ZMYM4: variants seen among roughly 807,000 people sequenced by gnomAD.
The protein encoded by ZMYM4 is zinc finger MYM-type containing 4, also known as zinc finger MYM-type protein 4.
ZMYM4 carries 31 observed loss-of-function variants against 183.2 expected under a neutral mutation model. The observed-to-expected ratio is 0.17, with a 90% confidence interval of 0.13 to 0.23. The LOEUF is 0.23. ZMYM4 is among the 10% of genes least tolerant of loss of function. The pLI is 1.00. For synonymous variants in ZMYM4, 592 were observed against 631.2 expected, an observed-to-expected ratio of 0.94 and a Z score of 0.93; for missense variants, 1,273 against 1,840.3, an observed-to-expected ratio of 0.69 and a Z score of 5.64.
At chr1:35,405,327 C>T in intron 24 of ZMYM4, 46 bp from the exon 25 acceptor site, 1 of 1,580,318 alleles carries the variant, frequency 6.3e-7, no homozygotes, top group Non-Finnish European at 8.6e-7. Context: ...TTTTTCCGCA[C>T]TTTTATTTTA....
chr1:35,294,947 T>A lies in ZMYM4; in HGVS notation c.39+25862T>A, dbSNP rs527629270. Among the ~76,000 whole-genome samples, 7 of 152,360 alleles carry A rather than the reference T, an allele frequency of 4.6e-5. No homozygotes were observed. The South Asian group carries it at 1.0e-3, about 23-fold the overall frequency. On this transcript the variant is annotated intron_variant, in intron 1 of 29. Coordinates refer to ENST00000314607, the MANE Select transcript of ZMYM4 (RefSeq NM_005095.3). ...GATAACCACTTGAGTCATTTTAGATTCCACTGTGCTTCACATCCCTAATTT... is the reference window on the plus strand; with the variant it reads ...GATAACCACTTGAGTCATTTTAGATACCACTGTGCTTCACATCCCTAATTT...
intron 2 of ZMYM4, among the ~76,000 whole-genome samples, chr1:35,326,254 A>G (rs573824377): frequency 5.6e-4 from 86 of 152,346 alleles, no homozygotes; most frequent in African/African-American, 1.9e-3. Flanking sequence ...AAGATCTGAA[A>G]CACTTCTAAT....
chr1:35,418,357 C>A, intron 28 of ZMYM4, 86 bp from the exon 29 acceptor site: 1 of 1,444,090 alleles, frequency 6.9e-7, no homozygotes, highest in Non-Finnish European at 9.4e-7. Context: ...AAAGTTCTGG[C>A]TGCGAAGCAA....
Position 35,388,917 on chromosome 1 carries a change from A to G in ZMYM4, c.2271A>G (p.Lys757=), listed in dbSNP as rs1277115076. 1.9e-6 allele frequency: 3 copies of G among 1,613,122 alleles called. No individual in the cohort carries two copies. The South Asian group carries it at 3.3e-5, about 18-fold the overall frequency. ...ADKSFCSEGC[K]LLYKHDLAKR... ...ATCTTTCCTGATTTTTAGGTTGCAA[A>G]TTGCTTTATAAACATGACTTGGCAA... The change falls in exon 14 of 30, where the codon AAA becomes AAG. Residue 757 remains lysine (K), a synonymous_variant. Transcript: ENST00000314607.
At position 35,399,148 on chromosome 1, in the gene ZMYM4, G is replaced by C; in HGVS notation, c.3433+105G>C. ...GTGCCAATTGTTATTGATAATAACA[G>C]TGTAATGTGTTAGAGGTCATAATCT... is the stretch of plus-strand genomic sequence containing the variant. On this transcript the variant is annotated intron_variant, in intron 22 of 29. Transcript: ENST00000314607. 2.6e-6 allele frequency: 3 copies of C among 1,139,392 alleles called. No individual in the cohort carries two copies. The South Asian group carries it at 4.6e-5, about 18-fold the overall frequency. The allele number at this position is 1,139,392 out of a possible 1,614,324, so 70.6% of individuals were successfully genotyped here. A position where few individuals can be genotyped will look rare whatever the true frequency, so the allele number is the denominator to read the frequency against.
chr1:35,332,408 T>G (rs970080090), intron 2 of ZMYM4, among the ~76,000 whole-genome samples: 32 of 151,688 alleles, frequency 2.1e-4, no homozygotes, highest in Middle Eastern at 3.4e-3. Flanking sequence ...GGGATGTTTT[T>G]TTTTTTTTTT....
At chr1:35,379,609 C>G (rs1172932777) in intron 7 of ZMYM4, among the ~76,000 whole-genome samples, 1 of 152,264 alleles carries the variant, frequency 6.6e-6, no homozygotes, top group East Asian at 1.9e-4. Context: ...TTTTCCTTTG[C>G]ATTTACTATG....
At position 35,315,510 on chromosome 1, in the gene ZMYM4, C is replaced by T. The variant is rs184154648; in HGVS notation, c.40-9850C>T. Among the ~76,000 whole-genome samples, 13 of 152,184 alleles carry T rather than the reference C, an allele frequency of 8.5e-5. 2 individuals are homozygous for T. The highest frequency in any genetic ancestry group is 2.6e-4 in the African/African-American group (11 of 41,530). Reference sequence around the variant, plus strand: ...AGCCAGTCTTTTTTTGATGGAGAAACCAAGCCTGTTTTTAGTTTATGTCAG... The same window carrying T: ...AGCCAGTCTTTTTTTGATGGAGAAATCAAGCCTGTTTTTAGTTTATGTCAG... On this transcript the variant is annotated intron_variant, in intron 1 of 29. Coordinates refer to ENST00000314607, the MANE Select transcript of ZMYM4 (RefSeq NM_005095.3).
At chr1:35,361,425 A>C (rs994860200) in intron 4 of ZMYM4, among the ~76,000 whole-genome samples, 170 bp downstream of exon 4, 1 of 152,008 alleles carries the variant, frequency 6.6e-6, no homozygotes, top group Non-Finnish European at 1.5e-5. Context: ...AAAAGCCTCA[A>C]ATCTTAGGGT....
At chr1:35,387,724 C>T in intron 13 of ZMYM4, 120 bp downstream of exon 13, 4 of 1,036,782 alleles carry the variant, frequency 3.9e-6, no homozygotes, top group Non-Finnish European at 5.4e-6. Context: ...AACGTAAATG[C>T]CTTTTCGATT....
chr1:35,410,010 G>T (rs1048100442), intron 26 of ZMYM4, among the ~76,000 whole-genome samples: 4 of 151,922 alleles, frequency 2.6e-5, no homozygotes, highest in Non-Finnish European at 5.9e-5. Flanking sequence ...CATGGCTCCA[G>T]CATCTGCTTC....
chr1:35,395,118 T>G (rs1273685949), intron 18 of ZMYM4, among the ~76,000 whole-genome samples: 10 of 152,124 alleles, frequency 6.6e-5, no homozygotes, highest in Admixed American at 6.5e-4. Flanking sequence ...GATTTTGCAT[T>G]TCTTATAAGC....
At chr1:35,270,858 C>T (rs1387660053) in intron 1 of ZMYM4, among the ~76,000 whole-genome samples, 3 of 152,000 alleles carry the variant, frequency 2.0e-5, no homozygotes, top group East Asian at 1.9e-4. Context: ...GTTCATCAGT[C>T]GTGTTATTTT....
At chr1:35,398,706 A>G (rs1401799806) in intron 21 of ZMYM4, among the ~76,000 whole-genome samples, 158 bp from the exon 22 acceptor site, 1 of 152,234 alleles carries the variant, frequency 6.6e-6, no homozygotes, top group South Asian at 2.1e-4. Flanking sequence ...CAGTTCTTTG[A>G]GACTGATGAA....
At chr1:35,290,758 T>C (rs565577080) in intron 1 of ZMYM4, among the ~76,000 whole-genome samples, 1 of 152,326 alleles carries the variant, frequency 6.6e-6, no homozygotes, top group Admixed American at 6.5e-5. Context: ...GAATTGATTG[T>C]GGTAATGATT....
chr1:35,281,104 G>T (rs1570238266), intron 1 of ZMYM4, among the ~76,000 whole-genome samples: 1 of 152,188 alleles, frequency 6.6e-6, no homozygotes, highest in East Asian at 1.9e-4. Context: ...CTAACACAGT[G>T]AAACCCTGTC....
chr1:35,287,682 T>C (rs1057069504), intron 1 of ZMYM4, among the ~76,000 whole-genome samples: 1 of 152,138 alleles, frequency 6.6e-6, no homozygotes, highest in African/African-American at 2.4e-5. Context: ...CTCGGCTCAC[T>C]GCAACCTCCA....
chr1:35,406,807 T>C (rs766478091), intron 25 of ZMYM4, among the ~76,000 whole-genome samples: 3 of 152,204 alleles, frequency 2.0e-5, no homozygotes, highest in Non-Finnish European at 2.9e-5. Flanking sequence ...CTTATCTCAG[T>C]GCAGAAGAGC....
At chr1:35,285,108 A>C (rs574782591) in intron 1 of ZMYM4, among the ~76,000 whole-genome samples, 17 of 152,046 alleles carry the variant, frequency 1.1e-4, no homozygotes, top group Admixed American at 4.6e-4. Flanking sequence ...TGAAATTAGG[A>C]AGTAGGAGTC....
Sources: gnomAD v4.1 joint callset for allele counts (sites outside exome capture counted in the v4.1 genomes callset) on GRCh38, gnomAD v4.1.1 for gene constraint, MANE v1.5 for transcripts, NCBI Gene and HGNC (gene_info 2026-07-23, HGNC 2026-07-21) for gene names.